The following LAS1L variants were observed in gnomAD, a reference collection of about 807,000 sequenced individuals.
LAS1L encodes the protein ribosomal biogenesis protein LAS1L.
In LAS1L, 5 loss-of-function variants were observed where a neutral mutation model predicts 57.3. That is an observed-to-expected ratio of 0.09 (90% CI 0.05 to 0.18). LAS1L has a LOEUF of 0.18. Ranked by LOEUF, LAS1L falls within the 10% of genes least tolerant of loss-of-function variation. The pLI, the probability that LAS1L is intolerant of heterozygous loss-of-function variation, is 1.00. For missense variants in LAS1L, 360 were observed against 568.3 expected (o/e 0.63, Z 3.73); for synonymous variants, 245 against 231.7 (o/e 1.06, Z -0.52).
intron 7 of LAS1L, among the ~76,000 whole-genome samples, chrX:65,525,765 A>AAAAAAAAAAAAAAAAAAAAAAAAAAAAAG (rs1556309415): frequency 9.3e-6 from 1 of 107,508 alleles, no homozygotes; most frequent in African/African-American, 3.6e-5. Flanking sequence ...AAAAAAAAAA[A>AAAAAAAAAAAAAAAAAAAAAAAAAAAAAG]AAAGAAAGAA....
rs2068709277 is a variant in LAS1L at position 65,517,881 on chromosome X, A to C, written c.1927+106T>G. On this transcript the variant is annotated intron_variant, in intron 12 of 13. Transcript: ENST00000374811. Reference sequence around the variant, plus strand: ...CCAGGCTGCCTTCCAGGCTTGCCTCACATTGGCTACCTCCTGCTACTTTCC... The same window carrying C: ...CCAGGCTGCCTTCCAGGCTTGCCTCCCATTGGCTACCTCCTGCTACTTTCC... 2.7e-6 allele frequency: 3 copies of C among 1,095,822 alleles called. No homozygotes were observed. The Admixed American group carries it at 1.2e-4, about 42-fold the overall frequency. The allele number at this position is 1,095,822 out of a possible 1,213,427, so 90.3% of individuals were successfully genotyped here. A position where few individuals can be genotyped will look rare whatever the true frequency, so the allele number is the denominator to read the frequency against.
intron 11 of LAS1L, chrX:65,518,732 A>C (rs2068738885): frequency 4.8e-6 from 3 of 624,713 alleles, no homozygotes; most frequent in Non-Finnish European, 5.8e-6. Flanking sequence ...GTAAATAAGA[A>C]AGCTCACATA....
chrX:65,515,131 C>T (rs1012297522), intron 12 of LAS1L, among the ~76,000 whole-genome samples, 158 bp from the exon 13 acceptor site: 2 of 111,633 alleles, frequency 1.8e-5, no homozygotes, highest in Non-Finnish European at 3.8e-5. Flanking sequence ...TTCTCATGAG[C>T]CCCTCTCCAC....
chrX:65,527,210 CAAAAAAAAAAAAAAAAAAAAAAAAA>C (rs869258564), intron 7 of LAS1L, among the ~76,000 whole-genome samples: 1 of 10,998 alleles, frequency 9.1e-5, no homozygotes, highest in Non-Finnish European at 2.3e-4. Flanking sequence ...AACTCTGTCT[CAAAAAAAAAAAAAAAAAAAAAAAAA>C]AAAAAAAAAA....
chrX:65,533,939 T>TA (rs1398863790), intron 1 of LAS1L, among the ~76,000 whole-genome samples: 1 of 111,919 alleles, frequency 8.9e-6, no homozygotes, highest in Non-Finnish European at 1.9e-5. Context: ...GACTAGGCCG[T>TA]ATACAGGACA....
chrX:65,518,066 C>T lies in LAS1L; in HGVS notation c.1848G>A (p.Glu616=). ...MEVGPFSTGQ[E]SPTAENARLL... is the part of the protein sequence containing the mutation. ...GCCTAGCATTCTCGGCAGTGGGGGA[C>T]TCTTGCCCTGTAGAGAAAGGCCCCA... The change falls in exon 12 of 14, where the codon GAG becomes GAA. Residue 616 remains glutamate (E), a synonymous_variant. Coordinates refer to ENST00000374811, the MANE Select transcript of LAS1L (RefSeq NM_031206.7). The T allele has an allele frequency of 8.3e-7, 1 of 1,212,021 alleles. No individual in the cohort carries two copies. Among genetic ancestry groups the T allele is most frequent in the Non-Finnish European group, 1.1e-6 (1 of 895,454 alleles).
At chrX:65,518,817 C>T in intron 11 of LAS1L, 1 of 753,991 alleles carries the variant, frequency 1.3e-6, no homozygotes, top group Non-Finnish European at 1.6e-6. Flanking sequence ...TTAAAAGCTA[C>T]ATAAATGCAC....
At chrX:65,532,708 C>A in intron 2 of LAS1L, 78 bp from the exon 3 acceptor site, 1 of 706,004 alleles carries the variant, frequency 1.4e-6, no homozygotes. Flanking sequence ...TACTGAAACC[C>A]TGCATTTCCA....
chrX:65,519,316 C>G (rs754850792), intron 11 of LAS1L, among the ~76,000 whole-genome samples: 1 of 112,044 alleles, frequency 8.9e-6, no homozygotes, highest in East Asian at 2.8e-4. Flanking sequence ...GAGGGTTCAC[C>G]TGCCAATTCT....
chrX:65,516,355 C>T (rs998070309), intron 12 of LAS1L, among the ~76,000 whole-genome samples: 4 of 111,279 alleles, frequency 3.6e-5, no homozygotes, highest in South Asian at 3.8e-4. Context: ...TCACTAATAT[C>T]GCCAATGCTG....
intron 7 of LAS1L, among the ~76,000 whole-genome samples, chrX:65,526,212 A>C (rs1400345535): frequency 8.9e-6 from 1 of 111,774 alleles, no homozygotes; most frequent in Non-Finnish European, 1.9e-5. Context: ...CATGAGACAA[A>C]CAAACCTCTT....
intron 6 of LAS1L, 53 bp downstream of exon 6, chrX:65,529,159 G>A: frequency 9.7e-7 from 1 of 1,031,407 alleles, no homozygotes; most frequent in Non-Finnish European, 1.4e-6. Flanking sequence ...TGGCAAGAGG[G>A]AAGAAATGGC....
rs201107712 is a variant in LAS1L, at chrX:65,514,968, C to T, written c.1933G>A (p.Val645Met). The change falls in exon 13 of 14, where the codon GTG becomes ATG. Residue 645 changes from valine to methionine, a missense_variant. Val to Met is a conservative substitution (Grantham distance 21, BLOSUM62 1). Coordinates refer to ENST00000374811, the MANE Select transcript of LAS1L (RefSeq NM_031206.7). ...CCTAGGGGAAATGTGTCCCATCGCA[C>T]GTCTTCTGTGGAGCAAAGGGAAGTG... Reference protein sequence around the residue: ...GSAWQVSSEDVRWDTFPLGRM... With the variant: ...GSAWQVSSEDMRWDTFPLGRM... The T allele has an allele frequency of 1.0e-5, 12 of 1,205,440 alleles. No homozygotes were observed. The highest frequency in any genetic ancestry group is 3.5e-5 in the African/African-American group (2 of 57,010).
At chrX:65,524,746 C>G (rs1289642860) in intron 8 of LAS1L, 132 bp from the exon 9 acceptor site, 6 of 446,598 alleles carry the variant, frequency 1.3e-5, no homozygotes, top group Non-Finnish European at 2.0e-5. Context: ...CGACCCCACC[C>G]CATCCCACCC....
At chrX:65,518,723 T>A (rs1389361636) in intron 11 of LAS1L, 2 of 588,257 alleles carry the variant, frequency 3.4e-6, no homozygotes, top group Non-Finnish European at 4.1e-6. Flanking sequence ...TTGGGAGGAG[T>A]AAATAAGAAA....
chrX:65,525,269 A>T (rs1483743076), intron 7 of LAS1L, among the ~76,000 whole-genome samples: 3 of 111,900 alleles, frequency 2.7e-5, no homozygotes, highest in Non-Finnish European at 3.8e-5. Flanking sequence ...GGCTGGGATC[A>T]GTGGGTTTTG....
chrX:65,526,695 G>C (rs2069162935), intron 7 of LAS1L, among the ~76,000 whole-genome samples: 1 of 111,436 alleles, frequency 9.0e-6, no homozygotes, highest in South Asian at 3.8e-4. Context: ...GCTGAATTTA[G>C]GTAGAAAGCC....
At chrX:65,517,931 C>A in intron 12 of LAS1L, 56 bp downstream of exon 12, 2 of 1,140,086 alleles carry the variant, frequency 1.8e-6, no homozygotes, top group South Asian at 2.2e-5. Context: ...TAGAAGGAAG[C>A]CTCAAGAGCC....
chrX:65,523,364 G>A (rs1377066886), intron 11 of LAS1L, 196 bp downstream of exon 11: 1 of 387,359 alleles, frequency 2.6e-6, no homozygotes, highest in Non-Finnish European at 4.4e-6. Flanking sequence ...GTTCAGTCAG[G>A]TCTTAAGCTG....
Sources: allele counts gnomAD v4.1 joint callset (sites outside exome capture counted in the v4.1 genomes callset), GRCh38; gene constraint gnomAD v4.1.1; transcripts MANE v1.5; gene names NCBI Gene and HGNC (gene_info 2026-07-23, HGNC 2026-07-21).